The following STXBP5L variants were observed in gnomAD, a reference collection of about 807,000 sequenced individuals.
STXBP5L encodes the protein syntaxin-binding protein 5-like.
Under a neutral mutation model 144.5 loss-of-function variants are expected in STXBP5L, and 65 were observed. The observed-to-expected ratio is 0.45, with a 90% CI of 0.37 to 0.55. The LOEUF (loss-of-function observed/expected upper bound fraction) is 0.55, where lower values mean the gene tolerates loss of function less well. Ranked by LOEUF, STXBP5L falls within the 20% of genes least tolerant of loss-of-function variation. STXBP5L has a pLI of 0.00. For missense variants in STXBP5L, 1,298 were observed against 1,405.5 expected, an observed-to-expected ratio of 0.92 and a Z score of 1.22; for synonymous variants, 505 against 469.6, an observed-to-expected ratio of 1.08 and a Z score of -0.97.
chr3:121,419,273 G>C lies in STXBP5L; in HGVS notation c.*176G>C. The C allele has an allele frequency of 3.4e-6, 2 of 583,854 alleles. No individual in the cohort carries two copies. The highest frequency in any genetic ancestry group is 5.5e-6 in the Non-Finnish European group (2 of 366,084). The allele number at this position is 583,854 out of a possible 1,614,324, so 36.2% of individuals were successfully genotyped here. On this transcript the variant is annotated 3_prime_UTR_variant, in exon 27 of 27. Coordinates refer to ENST00000471454, the MANE Select transcript of STXBP5L (RefSeq NM_001308330.2). ...GAGACACTGTGCAACCCAAAGGCTG[G>C]AGCCCTGGTTAAAATCCCAAAATAC...
In STXBP5L at chr3:121,371,338, G is replaced by T. The variant is rs558798191; in HGVS notation, c.2177-7378G>T. 3.9e-5 allele frequency among the ~76,000 whole-genome samples: 6 copies of T among 152,304 alleles called. No homozygotes were observed. In the South Asian group the frequency reaches 1.0e-3, roughly 26 times the overall value. On this transcript the variant is annotated intron_variant, in intron 20 of 26. Transcript: ENST00000471454. ...TTTAACTCTTGAGGACTCCTTTCAG[G>T]CCTTGCCTTTGATCTCCAGCTCCTT...
At chr3:121,290,564 A>G (rs1405152552) in intron 19 of STXBP5L, among the ~76,000 whole-genome samples, 2 of 152,156 alleles carry the variant, frequency 1.3e-5, no homozygotes, top group Non-Finnish European at 2.9e-5. Flanking sequence ...CTGTGAAGCC[A>G]GTATCACCCT....
intron 10 of STXBP5L, among the ~76,000 whole-genome samples, chr3:121,214,674 T>G (rs188188309): frequency 1.3e-5 from 2 of 152,218 alleles, no homozygotes; most frequent in Non-Finnish European, 2.9e-5. Flanking sequence ...GAAGAATGTA[T>G]ATTCTGTTGA....
At chr3:121,093,969 G>T (rs990507017) in intron 5 of STXBP5L, among the ~76,000 whole-genome samples, 3 of 152,134 alleles carry the variant, frequency 2.0e-5, no homozygotes, top group South Asian at 2.1e-4. Flanking sequence ...CTGGTACGTT[G>T]TGTCTTTGTT....
At chr3:121,189,478 A>G (rs12496406) in intron 9 of STXBP5L, among the ~76,000 whole-genome samples, 15,106 of 152,216 alleles carry the variant, frequency 0.099, 1,179 homozygotes, top group Admixed American at 0.2. Context: ...TTAAACAGGG[A>G]ATCCTTTCCT....
intron 8 of STXBP5L, among the ~76,000 whole-genome samples, chr3:121,157,126 TG>T (rs1255714728): frequency 6.6e-6 from 1 of 152,124 alleles, no homozygotes; most frequent in African/African-American, 2.4e-5. Flanking sequence ...AGTTAGACCT[TG>T]GTTTTGAGTT....
At chr3:121,358,478 C>G (rs985363336) in intron 20 of STXBP5L, among the ~76,000 whole-genome samples, 11 of 152,060 alleles carry the variant, frequency 7.2e-5, no homozygotes, top group African/African-American at 2.7e-4. Context: ...GAAGAGAGAG[C>G]AAAGGGGGCA....
chr3:121,234,846 T>A (rs1416490759), intron 12 of STXBP5L, among the ~76,000 whole-genome samples: 1 of 152,020 alleles, frequency 6.6e-6, no homozygotes, highest in Non-Finnish European at 1.5e-5. Flanking sequence ...CTAATATGAG[T>A]CTTATTAAAA....
chr3:121,418,906 A>G, intron 26 of STXBP5L, 150 bp from the exon 27 acceptor site: 1 of 807,886 alleles, frequency 1.2e-6, no homozygotes, highest in Non-Finnish European at 1.9e-6. Flanking sequence ...AATCTTTCTC[A>G]TATGCACTTT....
chr3:121,324,605 T>C (rs2108544292), intron 20 of STXBP5L: 1 of 667,980 alleles, frequency 1.5e-6, no homozygotes, highest in South Asian at 1.6e-5. Flanking sequence ...AAAATCTCTT[T>C]ATGAACAAAC....
chr3:121,377,920 C>T (rs960947780), intron 20 of STXBP5L, among the ~76,000 whole-genome samples: 1 of 152,100 alleles, frequency 6.6e-6, no homozygotes, highest in African/African-American at 2.4e-5. Flanking sequence ...GGAACCAACC[C>T]AAATACCCAT....
Position 121,419,506 on chromosome 3 carries a change from G to GA in STXBP5L, c.*416dup, listed in dbSNP as rs1361377143. On this transcript the variant is annotated 3_prime_UTR_variant, in exon 27 of 27. Coordinates refer to ENST00000471454, the MANE Select transcript of STXBP5L (RefSeq NM_001308330.2). ...GAAAAAAAAGCATGTTGTGATAGAA[G>GA]AAAAAAAGATTCATGGTAAACTATT... is the stretch of plus-strand genomic sequence containing the variant. 2 of 154,198 alleles carry GA rather than the reference G, an allele frequency of 1.3e-5. No individual in the cohort carries two copies. The highest frequency in any genetic ancestry group is 4.8e-5 in the African/African-American group (2 of 41,508). The allele number at this position is 154,198 out of a possible 1,614,324, so 9.6% of individuals were successfully genotyped here. A position where few individuals can be genotyped will look rare whatever the true frequency, so the allele number is the denominator to read the frequency against.
intron 19 of STXBP5L, among the ~76,000 whole-genome samples, chr3:121,300,616 C>A (rs1373895621): frequency 2.0e-5 from 3 of 150,882 alleles, no homozygotes; most frequent in Non-Finnish European, 3.0e-5. Context: ...CCTAGAACAA[C>A]CATTAAAGAA....
rs536558965 is a variant in STXBP5L, at chr3:121,163,975, A to G, written c.877+6348A>G. ...GGGGTATAGTTCACAACAGCAATTT[A>G]AAGTATAAGCTTCAATGATTTTTTA... On this transcript the variant is annotated intron_variant, in intron 9 of 26. Transcript: ENST00000471454. Among the ~76,000 whole-genome samples the G allele has an allele frequency of 3.9e-5, 6 of 152,286 alleles. No individual in the cohort carries two copies. The East Asian group carries it at 9.6e-4, about 24-fold the overall frequency.
chr3:121,079,517 G>C (rs114153976), intron 5 of STXBP5L, among the ~76,000 whole-genome samples: 1,745 of 152,150 alleles, frequency 0.011, 13 homozygotes, highest in Non-Finnish European at 0.018. Context: ...AACTTTAAGA[G>C]GATTTTAAAA....
Position 121,049,528 on chromosome 3 carries a change from AG to A in STXBP5L, c.470+3996del, listed in dbSNP as rs564528862. 698 of 154,222 alleles carry A rather than the reference AG, an allele frequency of 4.5e-3. 3 individuals are homozygous for A. Among genetic ancestry groups the A allele is most frequent in the South Asian group, 0.012 (60 of 4,900 alleles). The allele number at this position is 154,222 out of a possible 1,614,324, so 9.6% of individuals were successfully genotyped here. A position where few individuals can be genotyped will look rare whatever the true frequency, so the allele number is the denominator to read the frequency against. ...CCCAGCCTGAGGGCAAACAGGAGGG[AG>A]GGTTGTGGATGTGGTCTGCCTCTCC... On this transcript the variant is annotated intron_variant, in intron 5 of 26. Coordinates refer to ENST00000471454, the MANE Select transcript of STXBP5L (RefSeq NM_001308330.2).
At chr3:121,248,290 C>T (rs1479710227) in intron 14 of STXBP5L, among the ~76,000 whole-genome samples, 1 of 152,216 alleles carries the variant, frequency 6.6e-6, no homozygotes, top group African/African-American at 2.4e-5. Flanking sequence ...TCTAGAACTC[C>T]TGACCTCAGG....
chr3:121,176,762 G>A (rs1439157285), intron 9 of STXBP5L, among the ~76,000 whole-genome samples: 1 of 151,600 alleles, frequency 6.6e-6, no homozygotes, highest in African/African-American at 2.4e-5. Flanking sequence ...ACTGAGAAAA[G>A]GCATGAGAAC....
At chr3:121,174,320 C>A (rs1242413205) in intron 9 of STXBP5L, among the ~76,000 whole-genome samples, 1 of 151,920 alleles carries the variant, frequency 6.6e-6, no homozygotes, top group Non-Finnish European at 1.5e-5. Flanking sequence ...AGACTAGTAT[C>A]TATATATTTT....
Sources: allele counts gnomAD v4.1 joint callset (sites outside exome capture counted in the v4.1 genomes callset), GRCh38; gene constraint gnomAD v4.1.1; transcripts MANE v1.5; gene names NCBI Gene and HGNC (gene_info 2026-07-23, HGNC 2026-07-21).